Variants in CUX2 observed in about 807,000 individuals in gnomAD.
The protein encoded by CUX2 is homeobox protein cut-like 2.
In CUX2, 40 loss-of-function variants were observed where a neutral mutation model predicts 144.8. The observed-to-expected ratio is 0.28, with a 90% confidence interval of 0.21 to 0.36. CUX2 has a LOEUF of 0.36. CUX2 is among the 10% of genes least tolerant of loss of function. The probability of loss-of-function intolerance (pLI) is 1.00; values close to 1 mark genes in which losing one functional copy is unlikely to be tolerated. For missense variants in CUX2, 1,615 were observed against 1,994.0 expected, an observed-to-expected ratio of 0.81 and a Z score of 3.62; for synonymous variants, 827 against 875.6, an observed-to-expected ratio of 0.94 and a Z score of 0.98.
chr12:111,318,159 G>A (rs755889267), intron 16 of CUX2, among the ~76,000 whole-genome samples: 2 of 150,948 alleles, frequency 1.3e-5, no homozygotes, highest in African/African-American at 2.4e-5. Flanking sequence ...CTGCCACCTC[G>A]ACCTCCCAGG....
intron 16 of CUX2, among the ~76,000 whole-genome samples, chr12:111,318,245 CTTTTTTTT>C (rs541676829): frequency 1.3e-5 from 1 of 78,886 alleles, no homozygotes; most frequent in Admixed American, 1.4e-4. Context: ...TTTCTTTTTT[CTTTTTTTT>C]TTTTTTTTCA....
intron 1 of CUX2, among the ~76,000 whole-genome samples, chr12:111,167,278 T>G (rs1458066627): frequency 6.6e-6 from 1 of 152,168 alleles, no homozygotes; most frequent in African/African-American, 2.4e-5. Flanking sequence ...CTTCTTCCAC[T>G]GTTCCCTATT....
intron 2 of CUX2, 94 bp downstream of exon 2, chr12:111,214,404 T>A: frequency 4.2e-6 from 3 of 713,064 alleles, no homozygotes; most frequent in Non-Finnish European, 6.8e-6. Context: ...TGCAAGTGAC[T>A]AACAAGAAAA....
In CUX2 at chr12:111,263,741, T is replaced by C; in HGVS notation, c.223-20T>C. The C allele has an allele frequency of 3.7e-6, 6 of 1,605,938 alleles. No individual in the cohort carries two copies. Among genetic ancestry groups the C allele is most frequent in the Non-Finnish European group, 5.1e-6 (6 of 1,172,814 alleles). On this transcript the variant is annotated intron_variant, in intron 3 of 21. Transcript: ENST00000261726. The surrounding 1 kb of genome is among the most constrained non-coding windows in gnomAD (Gnocchi z 4.0). ...AGATGCCATGGTTACACGTGACTCT[T>C]TCTCTTGTTGTCTCCAAAGGTGGTG...
chr12:111,348,215 G>A lies in CUX2; in HGVS notation c.4351G>A (p.Val1451Met). ...TGGAGCCTTGCACCCCAGTGCCAAGGTGAACCCCAACTTGCAGCGGCGGCA... is the reference window on the plus strand; with the variant it reads ...TGGAGCCTTGCACCCCAGTGCCAAGATGAACCCCAACTTGCAGCGGCGGCA... The part of the protein sequence containing the change: ...MAGALHPSAK[V>M]NPNLQRRHEK... The change falls in exon 22 of 22, where the codon GTG becomes ATG. Residue 1451 changes from valine (V) to methionine (M), a missense_variant. Coordinates refer to ENST00000261726, the MANE Select transcript of CUX2 (RefSeq NM_015267.4). 6.2e-7 allele frequency: 1 copy of A among 1,614,042 alleles called. No individual in the cohort carries two copies. The highest frequency in any genetic ancestry group is 1.6e-4 in the Middle Eastern group (1 of 6,062).
At position 111,271,400 on chromosome 12, in the gene CUX2, G is replaced by T. The variant is rs74401392; in HGVS notation, c.301+7561G>T. Among the ~76,000 whole-genome samples the T allele has an allele frequency of 4.5e-3, 684 of 152,174 alleles. 6 individuals carry two copies. The highest frequency in any genetic ancestry group is 0.016 in the African/African-American group (660 of 41,510). Reference sequence around the variant, plus strand: ...GATTCTACATGTACCGTTTTGAATTGTTTCCTTTATCTGACATGAAGCACT... The same window carrying T: ...GATTCTACATGTACCGTTTTGAATTTTTTCCTTTATCTGACATGAAGCACT... On this transcript the variant is annotated intron_variant, in intron 4 of 21. Transcript: ENST00000261726.
chr12:111,113,982 T>A (rs1324007799), intron 1 of CUX2, among the ~76,000 whole-genome samples: 1 of 152,254 alleles, frequency 6.6e-6, no homozygotes, highest in Non-Finnish European at 1.5e-5. Context: ...TGTTTATTCA[T>A]TGACCTGGTG....
chr12:111,202,004 C>T (rs1476735228), intron 1 of CUX2, among the ~76,000 whole-genome samples: 2 of 152,194 alleles, frequency 1.3e-5, no homozygotes, highest in African/African-American at 4.8e-5. Context: ...TGCAGTGGGC[C>T]AAGGCGTTAA....
chr12:111,078,416 C>A (rs780955038), intron 1 of CUX2, among the ~76,000 whole-genome samples: 11 of 152,056 alleles, frequency 7.2e-5, no homozygotes, highest in Non-Finnish European at 1.3e-4. Flanking sequence ...CCTATAATCC[C>A]AGAACTTTGG....
intron 3 of CUX2, among the ~76,000 whole-genome samples, chr12:111,243,317 G>GA (rs1883121193): frequency 6.6e-6 from 1 of 151,792 alleles, no homozygotes; most frequent in South Asian, 2.1e-4. Flanking sequence ...ATATATTTCT[G>GA]AAAAAAGGAA....
chr12:111,139,007 C>T (rs1003148309), intron 1 of CUX2, among the ~76,000 whole-genome samples: 18 of 151,526 alleles, frequency 1.2e-4, no homozygotes, highest in Non-Finnish European at 2.2e-4. Flanking sequence ...AAGTCACTAG[C>T]CCCCAGATCC....
intron 3 of CUX2, among the ~76,000 whole-genome samples, chr12:111,237,686 C>T (rs1239975465): frequency 6.6e-6 from 1 of 152,180 alleles, no homozygotes; most frequent in Non-Finnish European, 1.5e-5. Flanking sequence ...AAACCCAGAC[C>T]TCCGGCCACC....
intron 18 of CUX2, among the ~76,000 whole-genome samples, chr12:111,324,524 A>C (rs1887683963): frequency 1.5e-5 from 2 of 133,478 alleles, no homozygotes; most frequent in Admixed American, 7.1e-5. Flanking sequence ...GTTTTGAGAC[A>C]GAGTCTTGCT....
At chr12:111,318,660 A>G (rs1049979514) in intron 16 of CUX2, among the ~76,000 whole-genome samples, 2 of 150,854 alleles carry the variant, frequency 1.3e-5, no homozygotes, top group African/African-American at 4.9e-5. Context: ...ACTGCTGCAT[A>G]GTGTTCCATT....
At position 111,263,308 on chromosome 12, in the gene CUX2, A is replaced by C. The variant is rs1884221613; in HGVS notation, c.223-453A>C. ...GCAAGACCCCATCGCTTAAACAAAC[A>C]AGAAAAAAAATACATGGCCAGCCAT... is the stretch of plus-strand genomic sequence containing the variant. On this transcript the variant is annotated intron_variant, in intron 3 of 21. Coordinates refer to ENST00000261726, the MANE Select transcript of CUX2 (RefSeq NM_015267.4). This position sits in a 1 kb window ranked among gnomAD's most constrained non-coding sequence, Gnocchi z 4.0. 6.6e-6 allele frequency among the ~76,000 whole-genome samples: 1 copy of C among 152,194 alleles called. No individual in the cohort carries two copies. Among genetic ancestry groups the C allele is most frequent in the African/African-American group, 2.4e-5 (1 of 41,444 alleles).
intron 1 of CUX2, among the ~76,000 whole-genome samples, chr12:111,054,278 C>T (rs187684149): frequency 6.6e-6 from 1 of 152,338 alleles, no homozygotes; most frequent in East Asian, 1.9e-4. Flanking sequence ...TCCCATTTTG[C>T]AAAACCTCTG....
At chr12:111,108,030 G>C (rs1873716110) in intron 1 of CUX2, among the ~76,000 whole-genome samples, 1 of 152,198 alleles carries the variant, frequency 6.6e-6, no homozygotes, top group Non-Finnish European at 1.5e-5. Flanking sequence ...GTGACGCATG[G>C]AGTTGTTATT....
In CUX2 at chr12:111,171,770, G is replaced by A. The variant is rs941212585; in HGVS notation, c.64-42430G>A. On this transcript the variant is annotated intron_variant, in intron 1 of 21. Transcript: ENST00000261726. This position sits in a 1 kb window ranked among gnomAD's most constrained non-coding sequence, Gnocchi z 5.0. ...TGAAAGAATGGCAGGGTCCCTTTTC[G>A]CCTCCCGGGGAAGGAGCCGGAGAGA... is the stretch of plus-strand genomic sequence containing the variant. 2.0e-5 allele frequency among the ~76,000 whole-genome samples: 3 copies of A among 152,322 alleles called. No individual in the cohort carries two copies. Among genetic ancestry groups the A allele is most frequent in the East Asian group, 3.9e-4 (2 of 5,188 alleles).
intron 1 of CUX2, among the ~76,000 whole-genome samples, chr12:111,041,864 C>G (rs1385889528): frequency 6.6e-6 from 1 of 152,198 alleles, no homozygotes; most frequent in East Asian, 1.9e-4. Flanking sequence ...ATTTCCAGAA[C>G]AAATGAAAGG....
Sources: allele counts gnomAD v4.1 joint callset (sites outside exome capture counted in the v4.1 genomes callset), GRCh38; gene constraint gnomAD v4.1.1; non-coding constraint Gnocchi (gnomAD v3.1); transcripts MANE v1.5; gene names NCBI Gene and HGNC (gene_info 2026-07-23, HGNC 2026-07-21).